The following TRPC4AP variants were observed in gnomAD, a reference collection of about 807,000 sequenced individuals.
The protein encoded by TRPC4AP is short transient receptor potential channel 4-associated protein.
TRPC4AP carries 45 observed loss-of-function variants against 99.0 expected under a neutral mutation model. The observed-to-expected ratio is 0.45, with a 90% CI of 0.36 to 0.58. The LOEUF is 0.58. Among genes scored for constraint, TRPC4AP ranks in the 20% least tolerant of loss-of-function variants. TRPC4AP has a pLI of 0.00. For missense variants in TRPC4AP, 879 were observed against 985.3 expected, an observed-to-expected ratio of 0.89 and a Z score of 1.44; for synonymous variants, 408 against 385.8, an observed-to-expected ratio of 1.06 and a Z score of -0.67.
chr20:35,016,193 G>A (rs2082750090), intron 9 of TRPC4AP, 54 bp from the exon 10 acceptor site: 1 of 1,606,538 alleles, frequency 6.2e-7, no homozygotes, highest in Non-Finnish European at 8.5e-7. Context: ...GAAAAATCTA[G>A]CAAAACCTCG....
intron 2 of TRPC4AP, among the ~76,000 whole-genome samples, chr20:35,070,075 C>G (rs2084264150): frequency 6.6e-6 from 1 of 152,154 alleles, no homozygotes; most frequent in Non-Finnish European, 1.5e-5. Context: ...TAGTTGATCT[C>G]CAGCTGACAG....
At chr20:35,054,070 C>T (rs1444555408) in intron 5 of TRPC4AP, among the ~76,000 whole-genome samples, 3 of 152,168 alleles carry the variant, frequency 2.0e-5, no homozygotes, top group South Asian at 4.1e-4. Context: ...TATGTCCCCA[C>T]CTTTATCTTC....
At chr20:35,034,970 A>G (rs111297408) in intron 8 of TRPC4AP, among the ~76,000 whole-genome samples, 153 bp downstream of exon 8, 4 of 152,122 alleles carry the variant, frequency 2.6e-5, no homozygotes, top group African/African-American at 9.7e-5. Flanking sequence ...CAAGCTGTCA[A>G]AAGAGTCTTA....
intron 14 of TRPC4AP, 109 bp from the exon 15 acceptor site, chr20:35,006,684 C>G: frequency 4.3e-6 from 6 of 1,381,008 alleles, no homozygotes; most frequent in Non-Finnish European, 5.9e-6. Context: ...GGGGATGGAA[C>G]TGGCAACACT....
intron 13 of TRPC4AP, among the ~76,000 whole-genome samples, chr20:35,007,934 C>T (rs1202244529): frequency 6.6e-6 from 1 of 152,226 alleles, no homozygotes; most frequent in South Asian, 2.1e-4. Flanking sequence ...GTGAAACATA[C>T]TCTAGGCCTT....
rs769220283 is a variant in TRPC4AP at position 35,054,954 on chromosome 20, C to A, written c.528+22G>T. ...GACCTGGTAGGGGAGATAAACAGAG[C>A]CCCAGTGGCAGGGGTACTTACACAG... is the stretch of plus-strand genomic sequence containing the variant. On this transcript the variant is annotated intron_variant, in intron 5 of 18. Coordinates refer to ENST00000252015, the MANE Select transcript of TRPC4AP (RefSeq NM_015638.3). 1.4e-5 allele frequency: 23 copies of A among 1,605,934 alleles called. No individual in the cohort carries two copies. In the African/African-American group the frequency reaches 2.8e-4, roughly 20 times the overall value.
At chr20:35,064,956 T>TA (rs2084106090) in intron 3 of TRPC4AP, among the ~76,000 whole-genome samples, 1 of 152,242 alleles carries the variant, frequency 6.6e-6, no homozygotes, top group Non-Finnish European at 1.5e-5. Context: ...CATTTTGACT[T>TA]ACGTCTTCAT....
At chr20:35,083,162 GAAT>G (rs1337415678) in intron 1 of TRPC4AP, among the ~76,000 whole-genome samples, 2 of 152,014 alleles carry the variant, frequency 1.3e-5, no homozygotes, top group African/African-American at 4.8e-5. Context: ...CAATATACAT[GAAT>G]AATATAAAAA....
chr20:35,020,525 C>T (rs539695160), intron 9 of TRPC4AP, among the ~76,000 whole-genome samples: 11 of 152,286 alleles, frequency 7.2e-5, no homozygotes, highest in African/African-American at 2.4e-4. Flanking sequence ...GGGGTAACTG[C>T]ACCTCTGTTG....
intron 6 of TRPC4AP, among the ~76,000 whole-genome samples, chr20:35,048,850 A>C (rs777004966): frequency 2.0e-5 from 3 of 152,190 alleles, no homozygotes; most frequent in Non-Finnish European, 4.4e-5. Flanking sequence ...ATAACAACAA[A>C]GCCTTTTTAT....
chr20:35,084,630 A>G (rs1197060298), intron 1 of TRPC4AP, among the ~76,000 whole-genome samples: 1 of 115,538 alleles, frequency 8.7e-6, no homozygotes, highest in African/African-American at 3.3e-5. Flanking sequence ...ATATGCATAT[A>G]TGTGTATATG....
At chr20:35,046,700 C>T (rs114859043) in intron 6 of TRPC4AP, among the ~76,000 whole-genome samples, 232 of 152,192 alleles carry the variant, frequency 1.5e-3, no homozygotes, top group African/African-American at 5.5e-3. Flanking sequence ...CAACTGCTTC[C>T]ACTTTTCCTT....
At chr20:35,053,177 C>A (rs1457938576) in intron 5 of TRPC4AP, among the ~76,000 whole-genome samples, 1 of 152,118 alleles carries the variant, frequency 6.6e-6, no homozygotes, top group African/African-American at 2.4e-5. Flanking sequence ...AAATACTTGT[C>A]TTTTCTTTAT....
chr20:35,070,120 AT>A (rs1399935442), intron 2 of TRPC4AP, among the ~76,000 whole-genome samples: 6 of 152,108 alleles, frequency 3.9e-5, no homozygotes, highest in African/African-American at 1.4e-4. Flanking sequence ...GAGAGAGACC[AT>A]TTTGGACATT....
chr20:35,017,296 G>A (rs989355316), intron 9 of TRPC4AP, among the ~76,000 whole-genome samples: 1 of 152,140 alleles, frequency 6.6e-6, no homozygotes, highest in African/African-American at 2.4e-5. Context: ...AATACAATTC[G>A]CCTTTGTAAG....
At chr20:35,009,409 C>A (rs772320049) in intron 12 of TRPC4AP, among the ~76,000 whole-genome samples, 2 of 152,168 alleles carry the variant, frequency 1.3e-5, no homozygotes, top group East Asian at 3.9e-4. Flanking sequence ...AATCCCTGGA[C>A]TTTGGGAGGC....
intron 3 of TRPC4AP, among the ~76,000 whole-genome samples, chr20:35,057,816 AT>A (rs2083877007): frequency 6.6e-6 from 1 of 152,158 alleles, no homozygotes. Context: ...GAAAAGAAGT[AT>A]TTTAGATTAG....
rs796861590 is a variant in TRPC4AP, at chr20:35,091,050, A to ATTT, written c.168+1561_168+1563dup. 1.5e-3 allele frequency among the ~76,000 whole-genome samples: 222 copies of ATTT among 143,372 alleles called. 1 individual carries two copies. Among genetic ancestry groups the ATTT allele is most frequent in the African/African-American group, 5.5e-3 (214 of 39,220 alleles). The allele number at this position is 143,372 out of a possible 152,430, so 94.1% of individuals were successfully genotyped here. A position where few individuals can be genotyped will look rare whatever the true frequency, so the allele number is the denominator to read the frequency against. On this transcript the variant is annotated intron_variant, in intron 1 of 18. Transcript: ENST00000252015. ...GAAGGAAAGAGCAAGTATTTCTAGG[A>ATTT]TTTTTTTTTTTTTTTGAGACAGGGT... is the stretch of plus-strand genomic sequence containing the variant.
chr20:35,090,602 G>A (rs1384655551), intron 1 of TRPC4AP, among the ~76,000 whole-genome samples: 3 of 152,004 alleles, frequency 2.0e-5, no homozygotes, highest in Non-Finnish European at 4.4e-5. Context: ...TCAAACTCCT[G>A]ACCTCAGATG....
Sources: gnomAD v4.1 joint callset for allele counts (sites outside exome capture counted in the v4.1 genomes callset) on GRCh38, gnomAD v4.1.1 for gene constraint, MANE v1.5 for transcripts, NCBI Gene and HGNC (gene_info 2026-07-23, HGNC 2026-07-21) for gene names.